Variants in PTPN5 observed in about 807,000 individuals in gnomAD.
The protein encoded by PTPN5 is protein tyrosine phosphatase non-receptor type 5.
PTPN5 carries 29 observed loss-of-function variants against 73.9 expected under a neutral mutation model. The ratio of observed to expected loss-of-function variants is 0.39; its 90% confidence interval spans 0.29 to 0.54. PTPN5 has a LOEUF of 0.54. Ranked by LOEUF, PTPN5 falls within the 20% of genes least tolerant of loss-of-function variation. PTPN5 has a pLI of 0.65. For missense variants in PTPN5, 652 were observed against 751.4 expected, an observed-to-expected ratio of 0.87 and a Z score of 1.55; for synonymous variants, 267 against 304.7, an observed-to-expected ratio of 0.88 and a Z score of 1.29.
intron 12 of PTPN5, 34 bp downstream of exon 12, chr11:18,732,558 C>A: frequency 6.5e-7 from 1 of 1,549,316 alleles, no homozygotes; most frequent in Non-Finnish European, 8.9e-7. Flanking sequence ...CTACACTCAT[C>A]CTCAGCTTCA....
intron 1 of PTPN5, among the ~76,000 whole-genome samples, chr11:18,781,890 A>C (rs1052550674): frequency 4.6e-5 from 7 of 152,194 alleles, no homozygotes; most frequent in Non-Finnish European, 7.3e-5. Context: ...GAAGCTGCAC[A>C]GAAGAGACCC....
rs546950935 is a variant in PTPN5, at chr11:18,735,333, C to T, written c.1001-1698G>A. On this transcript the variant is annotated intron_variant, in intron 9 of 14. Coordinates refer to ENST00000358540, the MANE Select transcript of PTPN5 (RefSeq NM_006906.2). ...AGGGATGGAGAGGAGACAGGGTAAA[C>T]GGGAGGGGGGCTTTTGGGGGACCTG... Among the ~76,000 whole-genome samples the T allele has an allele frequency of 8.1e-4, 101 of 124,034 alleles. 2 individuals are homozygous for T. In the Middle Eastern group the frequency reaches 0.012, roughly 15 times the overall value. The allele number at this position is 124,034 out of a possible 152,430, so 81.4% of individuals were successfully genotyped here.
chr11:18,753,619 C>G (rs1379326486), intron 3 of PTPN5, among the ~76,000 whole-genome samples: 2 of 152,178 alleles, frequency 1.3e-5, no homozygotes, highest in Non-Finnish European at 2.9e-5. Context: ...CTGTTGGAAC[C>G]AGTATGGGAA....
chr11:18,785,012 C>G (rs571370500), intron 1 of PTPN5, among the ~76,000 whole-genome samples: 21 of 151,958 alleles, frequency 1.4e-4, no homozygotes, highest in Non-Finnish European at 2.8e-4. Flanking sequence ...CGCCACCATG[C>G]CTGGCTAATT....
At chr11:18,760,062 T>A (rs915607535) in intron 3 of PTPN5, among the ~76,000 whole-genome samples, 2 of 151,962 alleles carry the variant, frequency 1.3e-5, no homozygotes, top group African/African-American at 4.8e-5. Context: ...AAGATAGGGT[T>A]GCAAAATGGC....
chr11:18,760,367 C>T (rs561423757), intron 3 of PTPN5, among the ~76,000 whole-genome samples: 1 of 152,266 alleles, frequency 6.6e-6, no homozygotes, highest in South Asian at 2.1e-4. Context: ...GCCTCCAGCT[C>T]CTTTACTTTA....
chr11:18,785,688 T>C (rs1243935970), intron 1 of PTPN5, among the ~76,000 whole-genome samples: 1 of 152,182 alleles, frequency 6.6e-6, no homozygotes, highest in Non-Finnish European at 1.5e-5. Flanking sequence ...CCCGAAAGGC[T>C]TGCAGAGGAA....
intron 3 of PTPN5, among the ~76,000 whole-genome samples, chr11:18,753,521 G>A (rs1038198405): frequency 6.6e-6 from 1 of 152,092 alleles, no homozygotes; most frequent in African/African-American, 2.4e-5. Flanking sequence ...AACAACAAAG[G>A]ACCACCATGC....
chr11:18,752,125 G>T (rs771437343), intron 3 of PTPN5, among the ~76,000 whole-genome samples: 7 of 152,182 alleles, frequency 4.6e-5, no homozygotes, highest in Non-Finnish European at 1.0e-4. Flanking sequence ...CAGCTACTCA[G>T]GAGGCTGAGG....
intron 1 of PTPN5, among the ~76,000 whole-genome samples, chr11:18,787,321 T>C (rs1222573899): frequency 1.0e-5 from 1 of 95,378 alleles, no homozygotes; most frequent in Non-Finnish European, 2.7e-5. Context: ...TTTCCAACAT[T>C]CATTCATTCA....
At chr11:18,771,901 G>A (rs750501849) in intron 2 of PTPN5, 38 bp downstream of exon 2, 4 of 1,590,960 alleles carry the variant, frequency 2.5e-6, no homozygotes, top group Non-Finnish European at 3.4e-6. Context: ...CCTCCTCAGT[G>A]GGCGGGTTGC....
intron 1 of PTPN5, among the ~76,000 whole-genome samples, chr11:18,781,323 C>CTTTTTTTTTTTTTTTTTTTTTT (rs58611404): frequency 8.7e-6 from 1 of 114,428 alleles, no homozygotes; most frequent in Non-Finnish European, 1.7e-5. Flanking sequence ...TTTTTGACCA[C>CTTTTTTTTTTTTTTTTTTTTTT]TTTTTTTTTT....
chr11:18,781,323 C>CTTTTTT lies in PTPN5; in HGVS notation c.-113-9258_-113-9253dup, dbSNP rs58611404. 2.2e-3 allele frequency among the ~76,000 whole-genome samples: 253 copies of CTTTTTT among 114,428 alleles called. 10 individuals carry two copies. In the Middle Eastern group the frequency reaches 0.032, roughly 14 times the overall value. 75.1% of individuals were successfully genotyped at this position (114,428 alleles called of 152,430 possible). A position where few individuals can be genotyped will look rare whatever the true frequency, so the allele number is the denominator to read the frequency against. On this transcript the variant is annotated intron_variant, in intron 1 of 14. Transcript: ENST00000358540. The stretch of plus-strand genomic sequence containing the variant: ...AGATCAGACTGTCTTTTTTTGACCA[C>CTTTTTT]TTTTTTTTTTTTTTGAGATGGAGTC...
At chr11:18,788,848 C>G (rs1044859757) in intron 1 of PTPN5, among the ~76,000 whole-genome samples, 1 of 152,182 alleles carries the variant, frequency 6.6e-6, no homozygotes, top group Non-Finnish European at 1.5e-5. Context: ...ATTTCCCTAT[C>G]TGCAAAATGA....
At chr11:18,757,177 A>G (rs559123915) in intron 3 of PTPN5, among the ~76,000 whole-genome samples, 89 of 152,342 alleles carry the variant, frequency 5.8e-4, no homozygotes, top group Non-Finnish European at 9.7e-4. Context: ...TTTATGGTTT[A>G]CAAATCCCCA....
intron 1 of PTPN5, among the ~76,000 whole-genome samples, chr11:18,776,405 G>A (rs758575720): frequency 2.5e-4 from 38 of 152,124 alleles, no homozygotes; most frequent in Non-Finnish European, 1.8e-4. Flanking sequence ...TGGGTACTCC[G>A]TCTTCTGTTC....
chr11:18,738,044 T>G, intron 8 of PTPN5, 80 bp from the exon 9 acceptor site: 1 of 1,184,924 alleles, frequency 8.4e-7, no homozygotes, highest in Non-Finnish European at 1.3e-6. Context: ...TGCCCCCAAC[T>G]CCTAGCCCAG....
chr11:18,778,025 A>C (rs1590612067), intron 1 of PTPN5, among the ~76,000 whole-genome samples: 2 of 150,656 alleles, frequency 1.3e-5, no homozygotes, highest in South Asian at 4.2e-4. Context: ...GAAGGAAGGA[A>C]GGGCCCTGAT....
At chr11:18,747,557 C>A (rs997096770) in intron 3 of PTPN5, among the ~76,000 whole-genome samples, 37 of 152,338 alleles carry the variant, frequency 2.4e-4, no homozygotes, top group African/African-American at 8.9e-4. Context: ...CTCTGAATCA[C>A]AAATTTTGCT....
Sources: gnomAD v4.1 joint callset for allele counts (sites outside exome capture counted in the v4.1 genomes callset) on GRCh38, gnomAD v4.1.1 for gene constraint, MANE v1.5 for transcripts, NCBI Gene and HGNC (gene_info 2026-07-23, HGNC 2026-07-21) for gene names.